Variants in TCP1 observed in about 807,000 individuals in gnomAD.
TCP1 encodes the protein T-complex protein 1 subunit alpha.
In TCP1, 6 loss-of-function variants were observed where a neutral mutation model predicts 54.7. That is an observed-to-expected ratio of 0.11 (90% CI 0.06 to 0.22). The LOEUF is 0.22. Among genes scored for constraint, TCP1 ranks in the 10% least tolerant of loss-of-function variants. TCP1 has a pLI of 1.00. For synonymous variants in TCP1, 225 were observed against 229.7 expected (o/e 0.98, Z 0.19); for missense variants, 511 against 678.2 (o/e 0.75, Z 2.74).
At chr6:159,789,190 C>A in intron 1 of TCP1, 1 of 563,266 alleles carries the variant, frequency 1.8e-6, no homozygotes, top group Non-Finnish European at 3.1e-6. Flanking sequence ...GGTCTCAAAA[C>A]CCTGCCGCGC....
chr6:159,785,048 A>G, intron 5 of TCP1: 1 of 633,300 alleles, frequency 1.6e-6, no homozygotes. Flanking sequence ...TTACCTTTTC[A>G]CCCTAAAAAA....
At chr6:159,783,849 T>C in intron 7 of TCP1, 92 bp downstream of exon 7, 1 of 1,468,914 alleles carries the variant, frequency 6.8e-7, no homozygotes, top group Non-Finnish European at 9.0e-7. Flanking sequence ...AGGCTAATTT[T>C]TCTGGAAGTA....
Position 159,785,894 on chromosome 6 carries a change from T to A in TCP1, c.377+6A>T. The A allele has an allele frequency of 6.2e-7, 1 of 1,611,288 alleles. No individual in the cohort carries two copies. On this transcript the variant is annotated splice_donor_region_variant and intron_variant, in intron 4 of 11. Transcript: ENST00000321394. The stretch of plus-strand genomic sequence containing the variant: ...AAAAAATTTCTCTGAATGCAAACAA[T>A]CTTACTTGCAAGCAAGTCGATAGCC...
intron 4 of TCP1, 43 bp from the exon 5 acceptor site, chr6:159,785,539 A>C: frequency 7.0e-7 from 1 of 1,437,690 alleles, no homozygotes; most frequent in South Asian, 1.1e-5. Flanking sequence ...TAAAGTCACT[A>C]CTCAAACTCT....
At chr6:159,786,311 A>AC (rs1443531567) in intron 3 of TCP1, among the ~76,000 whole-genome samples, 1 of 152,200 alleles carries the variant, frequency 6.6e-6, no homozygotes, top group Non-Finnish European at 1.5e-5. Context: ...CTTTCCTCTT[A>AC]AAGTCAGTTT....
chr6:159,789,140 G>C (rs1176115474), intron 1 of TCP1: 3 of 472,468 alleles, frequency 6.3e-6, no homozygotes, highest in East Asian at 3.5e-5. Flanking sequence ...CGGAGGGCGC[G>C]TTTCCAACGC....
chr6:159,783,303 A>G (rs1011925105), intron 7 of TCP1, among the ~76,000 whole-genome samples: 18 of 151,902 alleles, frequency 1.2e-4, no homozygotes, highest in African/African-American at 4.1e-4. Flanking sequence ...ACACCCGTGC[A>G]GACTGATTTA....
intron 5 of TCP1, 56 bp from the exon 6 acceptor site, chr6:159,784,903 T>C: frequency 1.3e-6 from 2 of 1,568,086 alleles, no homozygotes; most frequent in South Asian, 2.3e-5. Context: ...GGTACACACG[T>C]GAAAAATCAA....
chr6:159,783,341 G>A (rs1439519205), intron 7 of TCP1, among the ~76,000 whole-genome samples: 1 of 105,926 alleles, frequency 9.4e-6, no homozygotes, highest in East Asian at 2.2e-4. Context: ...TCTTACTCTT[G>A]GCAAAGCTTT....
intron 6 of TCP1, among the ~76,000 whole-genome samples, chr6:159,784,307 AT>A (rs5881340): frequency 0.22 from 31,241 of 143,822 alleles, 3,038 homozygotes; most frequent in East Asian, 0.39. Context: ...AACATTTTTT[AT>A]TTTTTTTTTT....
In TCP1 at chr6:159,785,397, T is replaced by C. The variant is rs1780670829; in HGVS notation, c.477A>G (p.Lys159=). ...AACCACAAGGATACATTCCAATGAT[T>C]TTGGAAGACATGGATGTCTTAGCAG... ...INAAKTSMSS[K]IIGINGDFFA... The change falls in exon 5 of 12, where the codon AAA becomes AAG. Residue 159 remains lysine, a synonymous_variant. Transcript: ENST00000321394. 2 of 1,609,510 alleles carry C rather than the reference T, an allele frequency of 1.2e-6. No individual in the cohort carries two copies. The highest frequency in any genetic ancestry group is 1.7e-6 in the Non-Finnish European group (2 of 1,177,334).
At chr6:159,784,240 A>C (rs1335910106) in intron 6 of TCP1, among the ~76,000 whole-genome samples, 173 bp from the exon 7 acceptor site, 1 of 152,164 alleles carries the variant, frequency 6.6e-6, no homozygotes, top group African/African-American at 2.4e-5. Context: ...CATTCCTTCT[A>C]CCATGTTGTA....
At position 159,789,307 on chromosome 6, in the gene TCP1, G is replaced by A. The variant is rs566802962; in HGVS notation, c.64+98C>T. On this transcript the variant is annotated intron_variant, in intron 1 of 11. Transcript: ENST00000321394. ...TGCGGGGCCCCGAGGCCCTTTCTGC[G>A]GAGGTAAAGGAGAGAAACGAGGGCA... is the stretch of plus-strand genomic sequence containing the variant. 4.2e-6 allele frequency: 6 copies of A among 1,412,446 alleles called. No individual in the cohort carries two copies. In the Admixed American group the frequency reaches 1.0e-4, roughly 24 times the overall value. 87.5% of individuals were successfully genotyped at this position (1,412,446 alleles called of 1,614,324 possible).
chr6:159,784,958 G>C, intron 5 of TCP1, 111 bp from the exon 6 acceptor site: 1 of 1,090,662 alleles, frequency 9.2e-7, no homozygotes, highest in Non-Finnish European at 1.4e-6. Flanking sequence ...ATCTATTAAA[G>C]CAGCAAGCAT....
rs548107253 is a variant in TCP1 at position 159,779,665 on chromosome 6, A to G, written c.1416T>C (p.Asn472=). Reference sequence around the variant, plus strand: ...TACGTTCTGGGTTAACCTGGGCCTCATTATGAAAAGCTCTTAATTTTGCAA... The same window carrying G: ...TACGTTCTGGGTTAACCTGGGCCTCGTTATGAAAAGCTCTTAATTTTGCAA... ...DLVAKLRAFH[N]EAQVNPERKN... is the part of the protein sequence containing the mutation. The change falls in exon 11 of 12, where the codon AAT becomes AAC. Residue 472 remains asparagine, a synonymous_variant. Coordinates refer to ENST00000321394, the MANE Select transcript of TCP1 (RefSeq NM_030752.3). The G allele has an allele frequency of 9.3e-6, 15 of 1,612,324 alleles. No individual in the cohort carries two copies. The Admixed American group carries it at 1.9e-4, about 20-fold the overall frequency.
chr6:159,788,225 A>G, intron 1 of TCP1, 82 bp from the exon 2 acceptor site: 2 of 1,340,206 alleles, frequency 1.5e-6, no homozygotes, highest in Non-Finnish European at 2.1e-6. Context: ...CTAAAGGTAA[A>G]TGACATCCAA....
rs1780499806 is a variant in TCP1 at position 159,778,850 on chromosome 6, C to A, written c.*195G>T. On this transcript the variant is annotated 3_prime_UTR_variant, in exon 12 of 12. Transcript: ENST00000321394. ...AATGAATTGCTTAAACTTTGAACAACCTCAATTTCTTTTTAAACTAATAAA... is the reference window on the plus strand; with the variant it reads ...AATGAATTGCTTAAACTTTGAACAAACTCAATTTCTTTTTAAACTAATAAA... The A allele has an allele frequency of 6.2e-7, 1 of 1,613,480 alleles. No individual in the cohort carries two copies. The highest frequency in any genetic ancestry group is 1.3e-5 in the African/African-American group (1 of 74,894).
rs375969801 is a variant in TCP1, at chr6:159,778,809, A to G, written c.*236T>C. The G allele has an allele frequency of 1.2e-5, 20 of 1,614,096 alleles. No homozygotes were observed. The highest frequency in any genetic ancestry group is 1.4e-5 in the Non-Finnish European group (16 of 1,180,040). On this transcript the variant is annotated 3_prime_UTR_variant, in exon 12 of 12. Coordinates refer to ENST00000321394, the MANE Select transcript of TCP1 (RefSeq NM_030752.3). The stretch of plus-strand genomic sequence containing the variant: ...CATTGGGGGTGGGATGGGAATAGCA[A>G]TGTGTGTTCAGAGAGAATGAATTGC...
In TCP1 at chr6:159,778,579, T is replaced by G; in HGVS notation, c.*466A>C. 1 of 1,483,074 alleles carries G rather than the reference T, an allele frequency of 6.7e-7. No individual in the cohort carries two copies. Among genetic ancestry groups the G allele is most frequent in the Non-Finnish European group, 9.2e-7 (1 of 1,082,428 alleles). The allele number at this position is 1,483,074 out of a possible 1,614,324, so 91.9% of individuals were successfully genotyped here. ...TTGAAAGGGTAGCATGCTGATACATTAAGAGGAAAAAGACAAGTTTAAGAT... is the reference window on the plus strand; with the variant it reads ...TTGAAAGGGTAGCATGCTGATACATGAAGAGGAAAAAGACAAGTTTAAGAT... On this transcript the variant is annotated 3_prime_UTR_variant, in exon 12 of 12. Transcript: ENST00000321394.
Sources: gnomAD v4.1 joint callset for allele counts (sites outside exome capture counted in the v4.1 genomes callset) on GRCh38, gnomAD v4.1.1 for gene constraint, MANE v1.5 for transcripts, NCBI Gene and HGNC (gene_info 2026-07-23, HGNC 2026-07-21) for gene names.